BLOC1S3: variants seen among roughly 807,000 people sequenced by gnomAD.
BLOC1S3 encodes the protein biogenesis of lysosomal organelles complex 1 subunit 3.
In BLOC1S3, 7 loss-of-function variants were observed where a neutral mutation model predicts 9.1. The ratio of observed to expected loss-of-function variants is 0.77; its 90% CI spans 0.44 to 1.45. The LOEUF is 1.45. Among genes scored for constraint, BLOC1S3 ranks in the 40% most tolerant of loss-of-function variants. The pLI is 0.01. For missense variants in BLOC1S3, 307 were observed against 315.2 expected, an observed-to-expected ratio of 0.97 and a Z score of 0.20; for synonymous variants, 145 against 158.4, an observed-to-expected ratio of 0.92 and a Z score of 0.64.
intron 2 of BLOC1S3, among the ~76,000 whole-genome samples, chr19:45,199,348 GCT>G (rs1969672438): frequency 9.5e-6 from 1 of 105,760 alleles, no homozygotes; most frequent in Non-Finnish European, 1.7e-5. Flanking sequence ...ATGGAGTCTT[GCT>G]CTGTCTCCAG....
Position 45,179,783 on chromosome 19 carries a change from G to C in BLOC1S3, c.487G>C (p.Ala163Pro). The change falls in exon 2 of 2, where the codon GCG (alanine) becomes CCG (proline). Residue 163 changes from alanine (A) to proline (P), a missense_variant. Ala to Pro is a conservative substitution (Grantham distance 27, BLOSUM62 -1). Coordinates refer to ENST00000433642, the MANE Select transcript of BLOC1S3 (RefSeq NM_212550.5). This position sits in a 1 kb window ranked among gnomAD's most constrained non-coding sequence, Gnocchi z 4.6. ...GGCGGCGGCCCACAGCGTGCGCCTG[G>C]CGCGCGGGGACCTTTGTGCGCTGGC... ...GLAAAHSVRLARGDLCALAER... is the reference protein window; with the variant it reads ...GLAAAHSVRLPRGDLCALAER... The C allele has an allele frequency of 6.4e-7, 1 of 1,566,740 alleles. No homozygotes were observed.
rs190352291 is a variant in BLOC1S3 at position 45,198,227 on chromosome 19, T to G, written n.181-4179T>G. 2.6e-4 allele frequency among the ~76,000 whole-genome samples: 40 copies of G among 152,270 alleles called. 2 individuals carry two copies. In the East Asian group the frequency reaches 7.7e-3, roughly 29 times the overall value. Reference sequence around the variant, plus strand: ...TGTGCTAAACTTCTTTCTTCCAGTTTTCATGCAATTTTCTCCTTTGGCCAA... The same window carrying G: ...TGTGCTAAACTTCTTTCTTCCAGTTGTCATGCAATTTTCTCCTTTGGCCAA... On this transcript the variant is annotated intron_variant and non_coding_transcript_variant, in intron 2 of 3. Transcript: ENST00000591569.
intron 2 of BLOC1S3, among the ~76,000 whole-genome samples, chr19:45,196,185 A>T (rs1969646986): frequency 1.3e-5 from 2 of 150,394 alleles, no homozygotes; most frequent in South Asian, 4.3e-4. Flanking sequence ...GTGCTACTTT[A>T]TTTTTTAATT....
intron 3 of BLOC1S3, chr19:45,213,311 T>G (rs1599758792): frequency 1.9e-6 from 3 of 1,613,698 alleles, no homozygotes; most frequent in Non-Finnish European, 2.5e-6. Flanking sequence ...CGGGCGGCTG[T>G]GTTGCGCAGG....
intron 2 of BLOC1S3, among the ~76,000 whole-genome samples, chr19:45,202,185 C>A (rs1243828496): frequency 7.1e-6 from 1 of 140,398 alleles, no homozygotes; most frequent in Non-Finnish European, 1.5e-5. Context: ...GCACTCCAGC[C>A]TGGGTGACAG....
chr19:45,191,811 TG>T (rs1258913087), intron 2 of BLOC1S3, among the ~76,000 whole-genome samples: 3 of 152,176 alleles, frequency 2.0e-5, no homozygotes, highest in African/African-American at 7.2e-5. Context: ...TGCCTGGAGC[TG>T]GGGGAAGGGT....
intron 2 of BLOC1S3, among the ~76,000 whole-genome samples, chr19:45,200,410 A>G (rs925368791): frequency 5.9e-5 from 9 of 151,834 alleles, no homozygotes; most frequent in African/African-American, 2.2e-4. Context: ...TCTTGATCTC[A>G]TGACCTCGTG....
chr19:45,195,720 G>A (rs1223549598), intron 2 of BLOC1S3, among the ~76,000 whole-genome samples: 1 of 151,898 alleles, frequency 6.6e-6, no homozygotes, highest in African/African-American at 2.4e-5. Context: ...TCAGCCTCCC[G>A]AGTAGCTGGG....
At chr19:45,188,466 G>A (rs192916825) in intron 2 of BLOC1S3, among the ~76,000 whole-genome samples, 6 of 151,272 alleles carry the variant, frequency 4.0e-5, no homozygotes, top group Non-Finnish European at 7.4e-5. Context: ...GAGCCACAGC[G>A]CCCGGCTTCT....
chr19:45,201,077 C>T (rs1425472177), intron 2 of BLOC1S3, among the ~76,000 whole-genome samples: 1 of 152,034 alleles, frequency 6.6e-6, no homozygotes, highest in African/African-American at 2.4e-5. Flanking sequence ...GGGGTGGGCG[C>T]CTGTAGTCCC....
intron 3 of BLOC1S3, among the ~76,000 whole-genome samples, chr19:45,214,311 T>C (rs895442970): frequency 2.0e-5 from 3 of 152,150 alleles, no homozygotes; most frequent in Middle Eastern, 3.2e-3. Flanking sequence ...TGGGGTTCTG[T>C]TTCTCTGAGT....
intron 2 of BLOC1S3, among the ~76,000 whole-genome samples, chr19:45,196,010 G>A (rs918622829): frequency 6.6e-6 from 1 of 152,170 alleles, no homozygotes; most frequent in Non-Finnish European, 1.5e-5. Context: ...TTCCCCTATT[G>A]ATGATCATTC....
intron 2 of BLOC1S3, among the ~76,000 whole-genome samples, chr19:45,195,174 G>A (rs1304574887): frequency 6.6e-6 from 1 of 152,044 alleles, no homozygotes. Flanking sequence ...CTCCCAAAGT[G>A]CTGGGATTAC....
chr19:45,189,992 C>T, intron 2 of BLOC1S3, among the ~76,000 whole-genome samples: 1 of 151,924 alleles, frequency 6.6e-6, no homozygotes, highest in Non-Finnish European at 1.5e-5. Context: ...AGCCTTTCTT[C>T]AAGTTCACTA....
rs1024875710 is a variant in BLOC1S3, at chr19:45,179,041, G to A, written c.-10+210G>A. ...CGTAAAGACCTCGGCTTGGGACTCC[G>A]GGAACTCGGGCCCCAGATCCTTGTT... On this transcript the variant is annotated intron_variant, in intron 1 of 1. Coordinates refer to ENST00000433642, the MANE Select transcript of BLOC1S3 (RefSeq NM_212550.5). This position sits in a 1 kb window ranked among gnomAD's most constrained non-coding sequence, Gnocchi z 4.6. 4.6e-5 allele frequency among the ~76,000 whole-genome samples: 7 copies of A among 152,166 alleles called. No individual in the cohort carries two copies. The highest frequency in any genetic ancestry group is 1.7e-4 in the African/African-American group (7 of 41,430).
At chr19:45,199,309 CTTTTTTTTTTTTTTT>C (rs34967306) in intron 2 of BLOC1S3, among the ~76,000 whole-genome samples, 1 of 72,474 alleles carries the variant, frequency 1.4e-5, no homozygotes, top group Non-Finnish European at 2.5e-5. Context: ...GTGCCTTATT[CTTTTTTTTTTTTTTT>C]TTTTTTTTTT....
chr19:45,195,599 C>T (rs1969642392), intron 2 of BLOC1S3, among the ~76,000 whole-genome samples: 1 of 146,832 alleles, frequency 6.8e-6, no homozygotes, highest in Admixed American at 6.8e-5. Context: ...CCCTTCCTCC[C>T]TCCTTCCTTC....
At chr19:45,187,145 G>A (rs995968138), upstream of BLOC1S3, among the ~76,000 whole-genome samples, 35 of 152,104 alleles carry the variant, frequency 2.3e-4, no homozygotes, top group African/African-American at 8.0e-4. Context: ...GATAGGGACT[G>A]GGGCAGGGGT....
chr19:45,201,805 G>A (rs994969315), intron 2 of BLOC1S3, among the ~76,000 whole-genome samples: 5 of 152,150 alleles, frequency 3.3e-5, no homozygotes, highest in Non-Finnish European at 7.3e-5. Context: ...AGATAAGTGA[G>A]TCATGGGGGC....
Sources: allele counts gnomAD v4.1 joint callset (sites outside exome capture counted in the v4.1 genomes callset), GRCh38; gene constraint gnomAD v4.1.1; non-coding constraint Gnocchi (gnomAD v3.1); transcripts MANE v1.5; gene names NCBI Gene and HGNC (gene_info 2026-07-23, HGNC 2026-07-21).